The following ST3GAL5 variants were observed in gnomAD, a reference collection of about 807,000 sequenced individuals.
ST3GAL5 encodes the protein ST3 beta-galactoside alpha-2,3-sialyltransferase 5.
Under a neutral mutation model 46.1 loss-of-function variants are expected in ST3GAL5, and 25 were observed. The ratio of observed to expected loss-of-function variants is 0.54; its 90% CI spans 0.40 to 0.76. ST3GAL5 has a LOEUF of 0.76. Among genes scored for constraint, ST3GAL5 ranks in the 30% least tolerant of loss-of-function variants. The probability of loss-of-function intolerance (pLI) is 0.00; values close to 1 mark genes in which losing one functional copy is unlikely to be tolerated. For missense variants in ST3GAL5, 431 were observed against 521.2 expected, an observed-to-expected ratio of 0.83 and a Z score of 1.69; for synonymous variants, 182 against 192.7, an observed-to-expected ratio of 0.94 and a Z score of 0.46.
chr2:85,887,443 C>T (rs887052053), intron 1 of ST3GAL5: 1 of 152,194 alleles, frequency 6.6e-6, no homozygotes, highest in African/African-American at 2.4e-5. Context: ...AAATGCTGAT[C>T]ATAACCCAGA....
intron 4 of ST3GAL5, chr2:85,847,297 T>C: frequency 2.2e-6 from 2 of 894,882 alleles, no homozygotes; most frequent in Non-Finnish European, 2.7e-6. Context: ...CTTGCCCCTG[T>C]CTGGGAGTTG....
chr2:85,885,077 G>A (rs1220926202), intron 1 of ST3GAL5, among the ~76,000 whole-genome samples: 3 of 152,236 alleles, frequency 2.0e-5, no homozygotes, highest in Admixed American at 6.5e-5. Context: ...CTGTAATAAC[G>A]GGACAACAAA....
At chr2:85,849,372 A>C (rs991816368) in intron 3 of ST3GAL5, 1 of 152,612 alleles carries the variant, frequency 6.6e-6, no homozygotes, top group African/African-American at 2.4e-5. Flanking sequence ...TGGGTGACAG[A>C]GGGAGACCCT....
chr2:85,878,912 G>T (rs1219900319), intron 1 of ST3GAL5, among the ~76,000 whole-genome samples: 1 of 152,128 alleles, frequency 6.6e-6, no homozygotes, highest in East Asian at 1.9e-4. Context: ...CTAAGACTCT[G>T]GAGACAGGAC....
intron 3 of ST3GAL5, among the ~76,000 whole-genome samples, chr2:85,858,684 G>C (rs1684414695): frequency 6.6e-6 from 1 of 152,114 alleles, no homozygotes; most frequent in Admixed American, 6.6e-5. Flanking sequence ...TGGATGCCTG[G>C]GACCGTCAAA....
chr2:85,878,973 CAG>C (rs1686872023), intron 1 of ST3GAL5, among the ~76,000 whole-genome samples: 1 of 152,122 alleles, frequency 6.6e-6, no homozygotes, highest in African/African-American at 2.4e-5. Flanking sequence ...CCAAGACACA[CAG>C]AGAGAGGTGT....
intron 1 of ST3GAL5, 76 bp from the exon 2 acceptor site, chr2:85,863,561 A>ATGGATTATG: frequency 6.5e-7 from 1 of 1,532,216 alleles, no homozygotes; most frequent in Admixed American, 1.7e-5. Flanking sequence ...GTTTTCAAAG[A>ATGGATTATG]GCCTTTATAT....
At chr2:85,882,598 C>T (rs972384499) in intron 1 of ST3GAL5, among the ~76,000 whole-genome samples, 3 of 151,856 alleles carry the variant, frequency 2.0e-5, no homozygotes, top group Non-Finnish European at 2.9e-5. Flanking sequence ...TTTGGGAGGC[C>T]GAGGTGGATC....
At chr2:85,853,294 AT>A (rs1339028126) in intron 3 of ST3GAL5, 2 of 337,954 alleles carry the variant, frequency 5.9e-6, no homozygotes, top group Non-Finnish European at 1.2e-5. Context: ...ATTAAGGGAC[AT>A]ATTTAAATAG....
At chr2:85,846,773 C>T in intron 4 of ST3GAL5, 1 of 558,622 alleles carries the variant, frequency 1.8e-6, no homozygotes, top group East Asian at 2.9e-5. Flanking sequence ...TGTATCTAAT[C>T]CCTGAATGTC....
intron 3 of ST3GAL5, among the ~76,000 whole-genome samples, chr2:85,859,001 C>A (rs1386808463): frequency 6.6e-6 from 1 of 152,166 alleles, no homozygotes; most frequent in East Asian, 1.9e-4. Context: ...GACAAGCAGA[C>A]CACGTGGCTT....
At chr2:85,889,004 C>A (rs1045409068), upstream of ST3GAL5, 9 of 949,636 alleles carry the variant, frequency 9.5e-6, no homozygotes, top group East Asian at 4.0e-5. Flanking sequence ...GGCCGCCGCT[C>A]CCCCGCTCAG....
chr2:85,872,292 T>C (rs1466278199), intron 1 of ST3GAL5, among the ~76,000 whole-genome samples: 1 of 152,030 alleles, frequency 6.6e-6, no homozygotes, highest in Non-Finnish European at 1.5e-5. Context: ...TTGTTGTCCT[T>C]GAGGGGAGAT....
At chr2:85,857,066 CAAAAAAAAAAAAAAAA>C (rs373154047) in intron 3 of ST3GAL5, among the ~76,000 whole-genome samples, 908 of 70,984 alleles carry the variant, frequency 0.013, 18 homozygotes, top group African/African-American at 0.047. Flanking sequence ...CTGCCTCTAC[CAAAAAAAAAAAAAAAA>C]AAAAAAAAAA....
chr2:85,861,645 T>TAA (rs3046643), intron 2 of ST3GAL5, among the ~76,000 whole-genome samples: 59,987 of 123,410 alleles, frequency 0.49, 14,422 homozygotes, highest in Admixed American at 0.59. Context: ...TGTCAGTCCT[T>TAA]AAAAAAAAAA....
In ST3GAL5 at chr2:85,863,424, T is replaced by C. The variant is rs1281196341; in HGVS notation, c.144A>G (p.Gln48=). 4 of 1,614,064 alleles carry C rather than the reference T, an allele frequency of 2.5e-6. No homozygotes were observed. The highest frequency in any genetic ancestry group is 1.7e-5 in the Admixed American group (1 of 60,008). ...LRSDCSRPSL[Q]WYTRAQSKMR... ...TCTTGCTTTGAGCTCGGGTGTACCA[T>C]TGCAGGGAAGGCCTCGAGCAATCAC... is the stretch of plus-strand genomic sequence containing the variant. The change falls in exon 2 of 7, where the codon CAA becomes CAG. Residue 48 remains glutamine, a synonymous_variant. Transcript: ENST00000638572.
intron 2 of ST3GAL5, among the ~76,000 whole-genome samples, chr2:85,862,015 AT>A (rs1426734128): frequency 6.6e-6 from 1 of 152,016 alleles, no homozygotes; most frequent in Non-Finnish European, 1.5e-5. Context: ...AAAGTAATCC[AT>A]TTTCTAAATA....
At chr2:85,867,849 G>A (rs1484510751) in intron 1 of ST3GAL5, 1 of 610,548 alleles carries the variant, frequency 1.6e-6, no homozygotes, top group African/African-American at 1.8e-5. Flanking sequence ...AGAAACCTTA[G>A]AAGCCTTCCT....
rs71377050 is a variant in ST3GAL5, at chr2:85,882,834, CA to C, written c.82+5989del. Among the ~76,000 whole-genome samples, 676 of 132,280 alleles carry C rather than the reference CA, an allele frequency of 5.1e-3. 10 individuals carry two copies. Among genetic ancestry groups the C allele is most frequent in the African/African-American group, 0.016 (570 of 35,360 alleles). 86.8% of individuals were successfully genotyped at this position (132,280 alleles called of 152,430 possible). On this transcript the variant is annotated intron_variant, in intron 1 of 6. Coordinates refer to ENST00000638572, the MANE Select transcript of ST3GAL5 (RefSeq NM_003896.4). Reference sequence around the variant, plus strand: ...TGTGCAACGGAGAGAGACTCTGTCTCAAAAAAAAAAAAAAATTGACTGCTCC... The same window carrying C: ...TGTGCAACGGAGAGAGACTCTGTCTCAAAAAAAAAAAAAATTGACTGCTCC...
Sources: allele counts gnomAD v4.1 joint callset (sites outside exome capture counted in the v4.1 genomes callset), GRCh38; gene constraint gnomAD v4.1.1; transcripts MANE v1.5; gene names NCBI Gene and HGNC (gene_info 2026-07-23, HGNC 2026-07-21).